KIF13B: variants seen among roughly 807,000 people sequenced by gnomAD.
The protein encoded by KIF13B is kinesin family member 13B, also known as kinesin-like protein KIF13B.
A neutral mutation model predicts 222.0 loss-of-function variants in KIF13B; 127 were observed. That is an observed-to-expected ratio of 0.57 (90% CI 0.50 to 0.66). The LOEUF is 0.66. Ranked by LOEUF, KIF13B falls within the 30% of genes least tolerant of loss-of-function variation. The pLI is 0.00. For synonymous variants in KIF13B, 976 were observed against 919.0 expected (o/e 1.06, Z -1.12); for missense variants, 2,173 against 2,379.0 (o/e 0.91, Z 1.80).
intron 1 of KIF13B, among the ~76,000 whole-genome samples, chr8:29,249,018 T>C (rs1816163639): frequency 6.6e-6 from 1 of 152,192 alleles, no homozygotes; most frequent in Non-Finnish European, 1.5e-5. Context: ...GATGTCTCAA[T>C]ACAGCTGTTT....
chr8:29,212,606 T>C (rs1814280293), intron 2 of KIF13B, among the ~76,000 whole-genome samples: 1 of 152,064 alleles, frequency 6.6e-6, no homozygotes, highest in Non-Finnish European at 1.5e-5. Context: ...ATTTTTCTGT[T>C]CCATATCTAT....
intron 1 of KIF13B, among the ~76,000 whole-genome samples, chr8:29,248,782 A>G (rs1816152796): frequency 1.3e-5 from 2 of 152,362 alleles, no homozygotes; most frequent in South Asian, 4.1e-4. Context: ...AAAGCCAGTC[A>G]TCAAAAACCA....
At chr8:29,090,783 C>T (rs755062823) in intron 37 of KIF13B, among the ~76,000 whole-genome samples, 35 of 152,216 alleles carry the variant, frequency 2.3e-4, no homozygotes, top group Non-Finnish European at 4.6e-4. Flanking sequence ...GATCTTGGCT[C>T]ACTGCAACCT....
At chr8:29,240,117 T>TA (rs1275648358) in intron 2 of KIF13B, among the ~76,000 whole-genome samples, 3 of 151,640 alleles carry the variant, frequency 2.0e-5, no homozygotes, top group Non-Finnish European at 4.4e-5. Context: ...TGGGTGATAT[T>TA]ATTTTCAGCT....
Position 29,177,964 on chromosome 8 carries a change from C to A in KIF13B, c.721-386G>T, listed in dbSNP as rs549130742. On this transcript the variant is annotated intron_variant, in intron 8 of 39. Transcript: ENST00000524189. ...ACAACCAAATGGGTTATGATCTAAA[C>A]CCTTTATTAAAAGTATTTACTGTTA... Among the ~76,000 whole-genome samples, 5 of 152,262 alleles carry A rather than the reference C, an allele frequency of 3.3e-5. No individual in the cohort carries two copies. In the East Asian group the frequency reaches 9.6e-4, roughly 29 times the overall value.
intron 37 of KIF13B, among the ~76,000 whole-genome samples, chr8:29,080,623 A>T (rs1428966891): frequency 6.6e-6 from 1 of 152,214 alleles, no homozygotes; most frequent in Non-Finnish European, 1.5e-5. Context: ...TCCATCTGGC[A>T]GGTATAGTTA....
chr8:29,245,329 A>G lies in KIF13B; in HGVS notation c.149+17T>C. On this transcript the variant is annotated intron_variant, in intron 2 of 39. Coordinates refer to ENST00000524189, the MANE Select transcript of KIF13B (RefSeq NM_015254.4). ...TACTTAAACATCCATTGAGCACAGC[A>G]CTGTTTCTTAACTCACCGGGCATCT... 6.5e-7 allele frequency: 1 copy of G among 1,536,940 alleles called. No homozygotes were observed. The highest frequency in any genetic ancestry group is 8.9e-7 in the Non-Finnish European group (1 of 1,121,014).
At chr8:29,250,157 C>A in intron 1 of KIF13B, 1 of 730,106 alleles carries the variant, frequency 1.4e-6, no homozygotes, top group South Asian at 1.5e-5. Flanking sequence ...CAAAGTTGGT[C>A]ATTAGTTTCT....
At chr8:29,243,496 A>C (rs111585623) in intron 2 of KIF13B, among the ~76,000 whole-genome samples, 1,635 of 152,094 alleles carry the variant, frequency 0.011, 24 homozygotes, top group African/African-American at 0.037. Flanking sequence ...GTCTCTACTA[A>C]AATACAAAAA....
At chr8:29,085,532 AT>A (rs528139248) in intron 37 of KIF13B, among the ~76,000 whole-genome samples, 72 of 145,656 alleles carry the variant, frequency 4.9e-4, no homozygotes, top group Non-Finnish European at 6.2e-4. Context: ...ACACCCACAT[AT>A]TTTTTTTTTT....
chr8:29,106,583 G>GA (rs1436285824), intron 35 of KIF13B, among the ~76,000 whole-genome samples: 1 of 123,662 alleles, frequency 8.1e-6, no homozygotes, highest in Non-Finnish European at 1.6e-5. Flanking sequence ...AGTGAGCTGA[G>GA]ATGCTGCCAC....
At chr8:29,108,560 C>T (rs546608420) in intron 34 of KIF13B, among the ~76,000 whole-genome samples, 1 of 152,336 alleles carries the variant, frequency 6.6e-6, no homozygotes, top group East Asian at 1.9e-4. Context: ...TCTGTAGCAA[C>T]TGTAAATAAA....
chr8:29,155,745 T>C lies in KIF13B; in HGVS notation c.1516A>G (p.Thr506Ala). 1 of 1,605,722 alleles carries C rather than the reference T, an allele frequency of 6.2e-7. No homozygotes were observed. Among genetic ancestry groups the C allele is most frequent in the Non-Finnish European group, 8.5e-7 (1 of 1,175,698 alleles). ...DITSEGQVML[T>A]PQKNTRTFVN... ...TGTTACCTGGTGTTCTTCTGAGGAG[T>C]CAGCATAACCTGGCCTTCTGACGTG... The change falls in exon 14 of 40, where the codon ACT (threonine) becomes GCT (alanine). Residue 506 changes from threonine to alanine, a missense_variant. Around this residue, in one of 2 missense-constraint regions of KIF13B, gnomAD observed 1,480 missense variants for 1,722.8 expected, o/e 0.86. Coordinates refer to ENST00000524189, the MANE Select transcript of KIF13B (RefSeq NM_015254.4).
At chr8:29,175,971 G>T (rs562329762) in intron 10 of KIF13B, 97 bp downstream of exon 10, 3 of 718,644 alleles carry the variant, frequency 4.2e-6, no homozygotes, top group African/African-American at 3.6e-5. Flanking sequence ...CACCGATAGA[G>T]GAAATGATAC....
intron 36 of KIF13B, among the ~76,000 whole-genome samples, chr8:29,098,497 G>C (rs1025752210): frequency 1.3e-5 from 2 of 151,660 alleles, no homozygotes; most frequent in African/African-American, 2.4e-5. Context: ...CAGCTACTTG[G>C]GGGGCTGAGG....
chr8:29,165,820 A>C, intron 11 of KIF13B, 48 bp from the exon 12 acceptor site: 1 of 1,356,786 alleles, frequency 7.4e-7, no homozygotes, highest in Admixed American at 1.8e-5. Context: ...GATGCCCTGG[A>C]AAAAGAAGTG....
intron 38 of KIF13B, among the ~76,000 whole-genome samples, chr8:29,073,007 A>T (rs1807372416): frequency 6.6e-6 from 1 of 151,722 alleles, no homozygotes; most frequent in Non-Finnish European, 1.5e-5. Flanking sequence ...CAGCTCAGGC[A>T]CCAACAAGGA....
intron 37 of KIF13B, among the ~76,000 whole-genome samples, chr8:29,076,578 G>A (rs1360324092): frequency 6.6e-6 from 1 of 152,214 alleles, no homozygotes; most frequent in Non-Finnish European, 1.5e-5. Context: ...CAGCTGTAGG[G>A]AGAAGAGTCC....
At chr8:29,251,388 C>T (rs1816274893) in intron 1 of KIF13B, among the ~76,000 whole-genome samples, 1 of 152,142 alleles carries the variant, frequency 6.6e-6, no homozygotes, top group Non-Finnish European at 1.5e-5. Context: ...ACCCAAGCAC[C>T]CACTGACGAA....
Sources: gnomAD v4.1 joint callset for allele counts (sites outside exome capture counted in the v4.1 genomes callset) on GRCh38, gnomAD v4.1.1 for gene constraint, gnomAD v4.1.1 regional missense constraint, MANE v1.5 for transcripts, NCBI Gene and HGNC (gene_info 2026-07-23, HGNC 2026-07-21) for gene names.